Variants in ZNF704 observed in about 807,000 individuals in gnomAD.
ZNF704 encodes glucocorticoid induced gene 1.
In ZNF704, 10 loss-of-function variants were observed where a neutral mutation model predicts 44.7. That is an observed-to-expected ratio of 0.22 (90% CI 0.14 to 0.38). The LOEUF (loss-of-function observed/expected upper bound fraction) is 0.38, where lower values mean the gene tolerates loss of function less well. ZNF704 is among the 10% of genes least tolerant of loss of function. ZNF704 has a pLI of 1.00. For missense variants in ZNF704, 390 were observed against 545.5 expected (o/e 0.71, Z 2.84); for synonymous variants, 211 against 207.6 (o/e 1.02, Z -0.14).
chr8:80,861,844 T>C (rs1809066911), intron 1 of ZNF704, among the ~76,000 whole-genome samples: 1 of 151,900 alleles, frequency 6.6e-6, no homozygotes, highest in Admixed American at 6.6e-5. Flanking sequence ...AAACTTAACA[T>C]GTTTAAGACA....
chr8:80,792,382 A>G (rs1287119406), intron 2 of ZNF704, among the ~76,000 whole-genome samples: 1 of 152,176 alleles, frequency 6.6e-6, no homozygotes, highest in Non-Finnish European at 1.5e-5. Flanking sequence ...AAGAATATAC[A>G]CAAGGCTTGG....
At chr8:80,686,271 C>T (rs1309692950) in intron 4 of ZNF704, among the ~76,000 whole-genome samples, 3 of 152,158 alleles carry the variant, frequency 2.0e-5, no homozygotes, top group Non-Finnish European at 4.4e-5. Context: ...TTCCTCATAA[C>T]AAGATGGAAA....
chr8:80,766,003 TA>T (rs961973881), intron 2 of ZNF704, among the ~76,000 whole-genome samples: 19 of 151,552 alleles, frequency 1.3e-4, no homozygotes, highest in Non-Finnish European at 1.9e-4. Context: ...ATTTAGCAAT[TA>T]AAAAAAAAGT....
At chr8:80,777,281 T>C (rs531236890) in intron 2 of ZNF704, among the ~76,000 whole-genome samples, 45 of 152,314 alleles carry the variant, frequency 3.0e-4, no homozygotes, top group African/African-American at 8.7e-4. Context: ...TTTTTAATAA[T>C]TGTAGCAACA....
At chr8:80,731,750 A>G (rs1806585142) in intron 2 of ZNF704, among the ~76,000 whole-genome samples, 1 of 152,138 alleles carries the variant, frequency 6.6e-6, no homozygotes, top group Admixed American at 6.6e-5. Flanking sequence ...TGACAGAGTG[A>G]GACTCCATCT....
chr8:80,819,551 A>G (rs77759596), intron 2 of ZNF704, among the ~76,000 whole-genome samples: 4 of 117,558 alleles, frequency 3.4e-5, no homozygotes, highest in South Asian at 2.4e-4. Context: ...CAGACTTAGG[A>G]AAAAAAAAAA....
intron 2 of ZNF704, among the ~76,000 whole-genome samples, chr8:80,757,168 T>C (rs1586005675): frequency 6.6e-6 from 1 of 152,258 alleles, no homozygotes; most frequent in African/African-American, 2.4e-5. Context: ...GAAGAAGGCA[T>C]TGTTATCATA....
At chr8:80,704,576 C>G (rs914654288) in intron 2 of ZNF704, among the ~76,000 whole-genome samples, 9 of 152,142 alleles carry the variant, frequency 5.9e-5, no homozygotes, top group Non-Finnish European at 1.0e-4. Flanking sequence ...TTCCGGGCAC[C>G]GACCCCGACC....
chr8:80,848,739 C>T (rs1252691310), intron 1 of ZNF704, among the ~76,000 whole-genome samples: 2 of 151,416 alleles, frequency 1.3e-5, no homozygotes, highest in East Asian at 3.9e-4. Context: ...CACCACTGCA[C>T]TCCAGCCTGG....
At chr8:80,794,134 G>A (rs1563555593) in intron 2 of ZNF704, among the ~76,000 whole-genome samples, 1 of 152,102 alleles carries the variant, frequency 6.6e-6, no homozygotes, top group Admixed American at 6.6e-5. Context: ...AAAAGAGAGA[G>A]CCTAGGCAAT....
At chr8:80,756,008 C>G (rs1807028442) in intron 2 of ZNF704, among the ~76,000 whole-genome samples, 1 of 151,488 alleles carries the variant, frequency 6.6e-6, no homozygotes, top group Non-Finnish European at 1.5e-5. Flanking sequence ...ACGTGGGAGG[C>G]TGAGAAGGAA....
intron 2 of ZNF704, among the ~76,000 whole-genome samples, chr8:80,783,021 C>CA (rs1807555877): frequency 6.6e-6 from 1 of 152,152 alleles, no homozygotes; most frequent in Non-Finnish European, 1.5e-5. Context: ...ACAGAAATGG[C>CA]ATGGTTTGAA....
At chr8:80,882,367 T>C in the ZNF704 span, among the ~76,000 whole-genome samples, 31 of 152,342 alleles carry the variant, frequency 2.0e-4, no homozygotes, top group African/African-American at 6.5e-4. Context: ...TCTTTGATCA[T>C]TAATGAAGAA....
At chr8:80,820,901 A>AT (rs1808258464) in intron 2 of ZNF704, among the ~76,000 whole-genome samples, 1 of 151,554 alleles carries the variant, frequency 6.6e-6, no homozygotes, top group South Asian at 2.1e-4. Context: ...ACCAGACCCT[A>AT]TCTCTATTTG....
chr8:80,764,362 A>G (rs1423434521), intron 2 of ZNF704, among the ~76,000 whole-genome samples: 1 of 152,220 alleles, frequency 6.6e-6, no homozygotes, highest in Non-Finnish European at 1.5e-5. Flanking sequence ...CCTTCTTTGC[A>G]TGACGGCAAG....
intron 1 of ZNF704, among the ~76,000 whole-genome samples, chr8:80,840,163 G>A (rs1808652650): frequency 6.6e-6 from 1 of 152,206 alleles, no homozygotes; most frequent in African/African-American, 2.4e-5. Flanking sequence ...TGTAAAATCA[G>A]GAGACAGAAG....
chr8:80,671,654 T>C (rs1356580396), intron 4 of ZNF704, among the ~76,000 whole-genome samples: 1 of 152,184 alleles, frequency 6.6e-6, no homozygotes, highest in African/African-American at 2.4e-5. Context: ...TGCTGACTGT[T>C]CCCTTGGGTA....
intron 2 of ZNF704, among the ~76,000 whole-genome samples, chr8:80,766,708 CTT>C (rs926870724): frequency 6.6e-6 from 1 of 151,912 alleles, no homozygotes; most frequent in Non-Finnish European, 1.5e-5. Context: ...CAGTCTGACT[CTT>C]ATTTTTATTT....
At chr8:80,674,592 A>G (rs543229031) in intron 4 of ZNF704, among the ~76,000 whole-genome samples, 3 of 152,288 alleles carry the variant, frequency 2.0e-5, no homozygotes, top group Admixed American at 6.5e-5. Context: ...TCAAAAACCA[A>G]TCCAGTCTCA....
Sources: gnomAD v4.1 joint callset for allele counts (sites outside exome capture counted in the v4.1 genomes callset) on GRCh38, gnomAD v4.1.1 for gene constraint, MANE v1.5 for transcripts, NCBI Gene and HGNC (gene_info 2026-07-23, HGNC 2026-07-21) for gene names.